The following SSPN variants were observed in gnomAD, a reference collection of about 807,000 sequenced individuals.
SSPN encodes the protein K-ras oncogene-associated protein.
A neutral mutation model predicts 19.1 loss-of-function variants in SSPN; 15 were observed. The ratio of observed to expected loss-of-function variants is 0.78; its 90% CI spans 0.52 to 1.21. SSPN has a LOEUF of 1.21. Ranked by LOEUF, SSPN falls within the 50% of genes most tolerant of loss-of-function variation. The pLI, the probability that SSPN is intolerant of heterozygous loss-of-function variation, is 0.00. For missense variants in SSPN, 291 were observed against 314.0 expected (o/e 0.93, Z 0.55); for synonymous variants, 147 against 140.3 (o/e 1.05, Z -0.34).
Position 26,231,345 on chromosome 12 carries a change from A to G in SSPN, c.*269A>G. 1 of 374,442 alleles carries G rather than the reference A, an allele frequency of 2.7e-6. No individual in the cohort carries two copies. The highest frequency in any genetic ancestry group is 3.9e-5 in the South Asian group (1 of 25,580). 23.2% of individuals were successfully genotyped at this position (374,442 alleles called of 1,614,324 possible). A position where few individuals can be genotyped will look rare whatever the true frequency, so the allele number is the denominator to read the frequency against. The stretch of plus-strand genomic sequence containing the variant: ...ACTGAACAAGGAAAGAATGGCATAG[A>G]TCTATCTTTACAGTCTGGAGTTAAT... On this transcript the variant is annotated 3_prime_UTR_variant, in exon 3 of 3. Transcript: ENST00000242729.
intron 1 of SSPN, among the ~76,000 whole-genome samples, chr12:26,210,228 C>T (rs1033504925): frequency 6.6e-6 from 1 of 151,924 alleles, no homozygotes; most frequent in Non-Finnish European, 1.5e-5. Flanking sequence ...TGCACTAAAT[C>T]CCAGACTTTA....
intron 1 of SSPN, among the ~76,000 whole-genome samples, chr12:26,206,775 G>A (rs948683811): frequency 1.3e-5 from 2 of 152,164 alleles, no homozygotes; most frequent in African/African-American, 4.8e-5. Flanking sequence ...AGAAAGGCTG[G>A]AACACAATCT....
At chr12:26,201,242 G>A (rs1200594433) in intron 1 of SSPN, among the ~76,000 whole-genome samples, 2 of 150,968 alleles carry the variant, frequency 1.3e-5, no homozygotes, top group Non-Finnish European at 3.0e-5. Context: ...GCTGGGTGTG[G>A]TGGCACCCAC....
chr12:26,123,649 C>T (rs145433495), intron 1 of SSPN: 35 of 1,613,410 alleles, frequency 2.2e-5, no homozygotes, highest in Non-Finnish European at 3.0e-5. Context: ...AAGCAATTAT[C>T]TTCTGATGCT....
At chr12:26,201,021 A>ATATATATATATATATAT (rs1555179529) in intron 1 of SSPN, among the ~76,000 whole-genome samples, 25 of 43,770 alleles carry the variant, frequency 5.7e-4, no homozygotes, top group African/African-American at 3.4e-3. Flanking sequence ...GTATATATAT[A>ATATATATATATATATAT]TATATATATA....
chr12:26,159,892 A>G (rs1254000190), intron 1 of SSPN, among the ~76,000 whole-genome samples: 1 of 152,218 alleles, frequency 6.6e-6, no homozygotes, highest in Non-Finnish European at 1.5e-5. Context: ...TGAATGGGTA[A>G]ATGAATGGAT....
chr12:26,173,974 A>G (rs1196276959), intron 1 of SSPN, among the ~76,000 whole-genome samples: 2 of 152,202 alleles, frequency 1.3e-5, no homozygotes, highest in African/African-American at 2.4e-5. Context: ...GAAATATGTG[A>G]TACATGAGAT....
intron 1 of SSPN, among the ~76,000 whole-genome samples, chr12:26,217,006 T>C (rs201069930): frequency 0.19 from 25,258 of 135,312 alleles, 1,235 homozygotes; most frequent in East Asian, 0.4. Flanking sequence ...AGTCAGGTAG[T>C]GTGATGCCTC....
chr12:26,195,825 G>A lies in SSPN; in HGVS notation c.153G>A (p.Arg51=). 1 of 1,538,170 alleles carries A rather than the reference G, an allele frequency of 6.5e-7. No individual in the cohort carries two copies. Among genetic ancestry groups the A allele is most frequent in the Non-Finnish European group, 8.7e-7 (1 of 1,145,552 alleles). Residue 51 remains arginine, a synonymous_variant, in exon 1 of 3, where the codon CGG becomes CGA. Coordinates refer to ENST00000242729, the MANE Select transcript of SSPN (RefSeq NM_005086.5). ...AGCCCCGGACCTGCTGCGGCTGCCGGTTCCCGCTGCTGCTCGCCCTGCTGC... is the reference window on the plus strand; with the variant it reads ...AGCCCCGGACCTGCTGCGGCTGCCGATTCCCGCTGCTGCTCGCCCTGCTGC... ...EEEPRTCCGC[R]FPLLLALLQL...
intron 1 of SSPN, among the ~76,000 whole-genome samples, chr12:26,128,041 TTACAAAGTGAGATTGCAAAA>T (rs138217756): frequency 0.019 from 2,819 of 152,332 alleles, 83 homozygotes; most frequent in African/African-American, 0.062. Context: ...GAGAAAATGC[TTACAAAGTGAGATTGCAAAA>T]TATTTCCAAG....
At chr12:26,154,366 C>T (rs1565673585) in intron 1 of SSPN, among the ~76,000 whole-genome samples, 1 of 152,172 alleles carries the variant, frequency 6.6e-6, no homozygotes, top group Non-Finnish European at 1.5e-5. Context: ...GAGCAACAAC[C>T]TATAGATGCA....
At chr12:26,148,904 G>A (rs1225844530) in intron 1 of SSPN, among the ~76,000 whole-genome samples, 5 of 152,178 alleles carry the variant, frequency 3.3e-5, no homozygotes, top group African/African-American at 1.2e-4. Context: ...TGTGCTAGGT[G>A]CCTCCCCCAA....
chr12:26,220,750 C>T lies in SSPN; in HGVS notation c.280-3543C>T, dbSNP rs372629346. On this transcript the variant is annotated intron_variant, in intron 1 of 2. Transcript: ENST00000242729. Reference sequence around the variant, plus strand: ...CTGCCCCTCCTTTTCTATCTTATCTCATTAAATGTCCACACCACCCACCTG... The same window carrying T: ...CTGCCCCTCCTTTTCTATCTTATCTTATTAAATGTCCACACCACCCACCTG... 4.1e-4 allele frequency among the ~76,000 whole-genome samples: 63 copies of T among 152,308 alleles called. 1 individual carries two copies. The highest frequency in any genetic ancestry group is 1.3e-3 in the African/African-American group (54 of 41,566).
intron 1 of SSPN, chr12:26,123,618 G>C: frequency 6.3e-7 from 1 of 1,598,470 alleles, no homozygotes; most frequent in Non-Finnish European, 8.6e-7. Flanking sequence ...TGGCCTCCCT[G>C]AACTGACTTA....
At chr12:26,216,276 C>T (rs1035309776) in intron 1 of SSPN, among the ~76,000 whole-genome samples, 6 of 152,128 alleles carry the variant, frequency 3.9e-5, no homozygotes, top group African/African-American at 9.7e-5. Flanking sequence ...ATCCCAGCAC[C>T]GGCAGCATCA....
chr12:26,168,607 T>C (rs975609920), intron 1 of SSPN, among the ~76,000 whole-genome samples: 6 of 152,040 alleles, frequency 3.9e-5, no homozygotes, highest in African/African-American at 1.4e-4. Context: ...GCACCAACAA[T>C]AGTGGGGTCA....
At chr12:26,194,966 G>A (rs1944812882), upstream of SSPN, among the ~76,000 whole-genome samples, 2 of 152,116 alleles carry the variant, frequency 1.3e-5, no homozygotes, top group South Asian at 4.2e-4. Flanking sequence ...CTCCAGCCTG[G>A]GCAACACAGT....
chr12:26,166,607 G>A (rs577778167), intron 1 of SSPN, among the ~76,000 whole-genome samples: 32 of 152,276 alleles, frequency 2.1e-4, no homozygotes, highest in Admixed American at 1.1e-3. Context: ...AAATGAAAAC[G>A]AATTATATTT....
chr12:26,226,811 G>T (rs1028659928), intron 2 of SSPN, among the ~76,000 whole-genome samples: 2 of 152,160 alleles, frequency 1.3e-5, no homozygotes, highest in African/African-American at 2.4e-5. Context: ...GCCTCCTCCC[G>T]AGCAGTGCGC....
Sources: allele counts gnomAD v4.1 joint callset (sites outside exome capture counted in the v4.1 genomes callset), GRCh38; gene constraint gnomAD v4.1.1; transcripts MANE v1.5; gene names NCBI Gene and HGNC (gene_info 2026-07-23, HGNC 2026-07-21).